Variants in ACTR3C observed in about 807,000 individuals in gnomAD.
ACTR3C encodes actin-related protein 3C.
A neutral mutation model predicts 26.3 loss-of-function variants in ACTR3C; 18 were observed. The ratio of observed to expected loss-of-function variants is 0.68; its 90% CI spans 0.47 to 1.01. The LOEUF (loss-of-function observed/expected upper bound fraction) is 1.01, where lower values mean the gene tolerates loss of function less well. Among genes scored for constraint, ACTR3C ranks in the 50% least tolerant of loss-of-function variants. The pLI is 0.00. For missense variants in ACTR3C, 184 were observed against 250.7 expected (o/e 0.73, Z 1.80); for synonymous variants, 55 against 94.5 (o/e 0.58, Z 2.42).
intron 6 of ACTR3C, among the ~76,000 whole-genome samples, chr7:150,253,350 G>T (rs1240245997): frequency 6.6e-6 from 1 of 152,066 alleles, no homozygotes; most frequent in Non-Finnish European, 1.5e-5. Context: ...GGTGCAAATG[G>T]CCCTCAAGTC....
At chr7:150,041,891 C>G in the ACTR3C span, among the ~76,000 whole-genome samples, 1 of 135,068 alleles carries the variant, frequency 7.4e-6, no homozygotes, top group Non-Finnish European at 1.6e-5. Context: ...CCCCCTCCTG[C>G]GATGGGGGTC....
the ACTR3C span, among the ~76,000 whole-genome samples, chr7:150,036,208 G>A: frequency 6.8e-6 from 1 of 146,390 alleles, no homozygotes; most frequent in East Asian, 1.9e-4. Flanking sequence ...AAGAGGGGAT[G>A]GATCTCAGCC....
the ACTR3C span, among the ~76,000 whole-genome samples, chr7:150,125,909 C>T: frequency 1.3e-5 from 2 of 152,168 alleles, no homozygotes; most frequent in Non-Finnish European, 2.9e-5. Flanking sequence ...AAAAACACTC[C>T]AGAGTGACAA....
the ACTR3C span, among the ~76,000 whole-genome samples, chr7:149,951,459 G>A: frequency 1.0e-4 from 15 of 148,110 alleles, no homozygotes; most frequent in Non-Finnish European, 1.9e-4. Flanking sequence ...CTTGGGCTTA[G>A]AGTCCTCCTC....
chr7:150,177,970 C>T, the ACTR3C span, among the ~76,000 whole-genome samples: 2 of 150,648 alleles, frequency 1.3e-5, no homozygotes, highest in Admixed American at 6.6e-5. Context: ...ATAAAGGGGA[C>T]ATTACAAATT....
chr7:150,172,837 T>A, the ACTR3C span, among the ~76,000 whole-genome samples: 1 of 150,626 alleles, frequency 6.6e-6, no homozygotes, highest in Middle Eastern at 3.2e-3. Flanking sequence ...ACAGGGCCCA[T>A]GCAAGTCTGA....
the ACTR3C span, among the ~76,000 whole-genome samples, chr7:150,036,227 A>C: frequency 6.8e-6 from 1 of 146,476 alleles, no homozygotes; most frequent in East Asian, 2.0e-4. Context: ...CCATCACAAA[A>C]TGGGGGGCCT....
chr7:149,905,265 C>T, the ACTR3C span, among the ~76,000 whole-genome samples: 6 of 151,974 alleles, frequency 3.9e-5, no homozygotes, highest in East Asian at 5.8e-4. Flanking sequence ...CAAAAGACAC[C>T]GAAAACATTC....
At chr7:149,933,324 G>A in the ACTR3C span, among the ~76,000 whole-genome samples, 1 of 151,156 alleles carries the variant, frequency 6.6e-6, no homozygotes, top group African/African-American at 2.4e-5. Context: ...TAGCAAATCT[G>A]GCGATCTTAT....
chr7:150,040,399 CT>C, the ACTR3C span: 1 of 147,924 alleles, frequency 6.8e-6, no homozygotes, highest in Non-Finnish European at 1.5e-5. Flanking sequence ...GAAGTTTTTC[CT>C]TTAACTAATG....
intron 1 of ACTR3C, among the ~76,000 whole-genome samples, chr7:150,310,445 C>G (rs1001423706): frequency 6.7e-6 from 1 of 148,910 alleles, no homozygotes. Context: ...CCCTATCCTA[C>G]CCATCCAGAA....
the ACTR3C span, among the ~76,000 whole-genome samples, chr7:150,216,208 T>C: frequency 1.4e-4 from 21 of 152,336 alleles, no homozygotes; most frequent in African/African-American, 5.1e-4. Flanking sequence ...TCTCAAATTA[T>C]AAGTAATACA....
At chr7:150,305,666 C>CT (rs1355379927) in intron 1 of ACTR3C, among the ~76,000 whole-genome samples, 2 of 152,196 alleles carry the variant, frequency 1.3e-5, no homozygotes, top group African/African-American at 4.8e-5. Flanking sequence ...CACTGCATCT[C>CT]TTTGACATCT....
At chr7:150,068,800 A>AAAC in the ACTR3C span, among the ~76,000 whole-genome samples, 5 of 146,024 alleles carry the variant, frequency 3.4e-5, no homozygotes, top group Admixed American at 6.9e-5. Flanking sequence ...AAAAAAAAAA[A>AAAC]AACCAAAAAA....
At chr7:150,237,228 ACT>A in the ACTR3C span, among the ~76,000 whole-genome samples, 1 of 152,100 alleles carries the variant, frequency 6.6e-6, no homozygotes, top group Non-Finnish European at 1.5e-5. Context: ...ATTGCAGCAG[ACT>A]CTGTTGGGGC....
chr7:150,039,795 G>A, the ACTR3C span, among the ~76,000 whole-genome samples: 2 of 132,160 alleles, frequency 1.5e-5, no homozygotes, highest in African/African-American at 2.7e-5. Flanking sequence ...AAGAGGGACT[G>A]GCTCTCAGTC....
At chr7:149,972,125 G>C in the ACTR3C span, among the ~76,000 whole-genome samples, 1 of 152,132 alleles carries the variant, frequency 6.6e-6, no homozygotes, top group African/African-American at 2.4e-5. Flanking sequence ...GGCATCTCAC[G>C]GATCTCCCAG....
the ACTR3C span, among the ~76,000 whole-genome samples, chr7:150,028,726 G>C: frequency 6.6e-6 from 1 of 152,214 alleles, no homozygotes; most frequent in Admixed American, 6.5e-5. Context: ...CGTGCCTCGG[G>C]TTCGTGTTAA....
the ACTR3C span, among the ~76,000 whole-genome samples, chr7:150,197,714 C>G: frequency 6.6e-6 from 1 of 152,198 alleles, no homozygotes; most frequent in Non-Finnish European, 1.5e-5. Flanking sequence ...TCCTATCACA[C>G]GGATGATTAC....
Sources: gnomAD v4.1 joint callset for allele counts (sites outside exome capture counted in the v4.1 genomes callset) on GRCh38, gnomAD v4.1.1 for gene constraint, MANE v1.5 for transcripts, NCBI Gene and HGNC (gene_info 2026-07-23, HGNC 2026-07-21) for gene names.